The following LDLRAD3 variants were observed in gnomAD, a reference collection of about 807,000 sequenced individuals.
The protein encoded by LDLRAD3 is low-density lipoprotein receptor class A domain-containing protein 3.
In LDLRAD3, 20 loss-of-function variants were observed where a neutral mutation model predicts 29.4. The ratio of observed to expected loss-of-function variants is 0.68; its 90% CI spans 0.48 to 0.99. The LOEUF (loss-of-function observed/expected upper bound fraction) is 0.99. LDLRAD3 is among the 50% of genes least tolerant of loss of function. The probability of loss-of-function intolerance (pLI) is 0.00; values close to 1 mark genes in which losing one functional copy is unlikely to be tolerated. For synonymous variants in LDLRAD3, 157 were observed against 192.7 expected (o/e 0.81, Z 1.53); for missense variants, 420 against 454.3 (o/e 0.92, Z 0.69).
At chr11:36,001,412 AGG>A (rs1851823470) in intron 1 of LDLRAD3, among the ~76,000 whole-genome samples, 1 of 152,214 alleles carries the variant, frequency 6.6e-6, no homozygotes, top group African/African-American at 2.4e-5. Flanking sequence ...AGTACAAACT[AGG>A]ATGACACTTA....
intron 4 of LDLRAD3, among the ~76,000 whole-genome samples, chr11:36,173,691 G>A (rs934192310): frequency 3.3e-5 from 5 of 151,846 alleles, no homozygotes; most frequent in Non-Finnish European, 7.4e-5. Flanking sequence ...TAATCCTTTG[G>A]GTATATACCC....
At chr11:35,970,058 A>G (rs945835547) in intron 1 of LDLRAD3, among the ~76,000 whole-genome samples, 3 of 152,128 alleles carry the variant, frequency 2.0e-5, no homozygotes, top group Non-Finnish European at 2.9e-5. Flanking sequence ...TGGAAGAGGA[A>G]AACTGTTCTG....
chr11:35,998,231 T>A (rs1375897408), intron 1 of LDLRAD3, among the ~76,000 whole-genome samples: 1 of 152,238 alleles, frequency 6.6e-6, no homozygotes, highest in Non-Finnish European at 1.5e-5. Flanking sequence ...AGTCATATGC[T>A]TTCAATATGT....
chr11:35,998,909 G>A (rs1025887934), intron 1 of LDLRAD3, among the ~76,000 whole-genome samples: 1 of 152,188 alleles, frequency 6.6e-6, no homozygotes, highest in Admixed American at 6.5e-5. Context: ...ATTGGTATGA[G>A]TCCTGGGAGA....
At chr11:36,058,964 C>T (rs1852660711) in intron 2 of LDLRAD3, among the ~76,000 whole-genome samples, 1 of 152,204 alleles carries the variant, frequency 6.6e-6, no homozygotes, top group South Asian at 2.1e-4. Flanking sequence ...TAGTGTAAGG[C>T]ACTGTTGTCA....
chr11:36,116,388 T>C (rs1853674592), intron 4 of LDLRAD3, among the ~76,000 whole-genome samples: 1 of 152,176 alleles, frequency 6.6e-6, no homozygotes, highest in Non-Finnish European at 1.5e-5. Flanking sequence ...ACCAGTGGAA[T>C]GTTCACATAT....
intron 1 of LDLRAD3, among the ~76,000 whole-genome samples, chr11:35,982,848 C>CTT (rs61605411): frequency 9.6e-3 from 851 of 88,674 alleles, no homozygotes; most frequent in Non-Finnish European, 0.013. Context: ...CTGTTTGCTG[C>CTT]TTTTTTTTTT....
intron 1 of LDLRAD3, among the ~76,000 whole-genome samples, chr11:36,017,574 G>T (rs1267141697): frequency 6.8e-6 from 1 of 147,698 alleles, no homozygotes; most frequent in African/African-American, 2.5e-5. Flanking sequence ...TGTTCTCCAG[G>T]CTGGAGTGCA....
In LDLRAD3 at chr11:36,098,460, A is replaced by T. The variant is rs762510042; in HGVS notation, c.453A>T (p.Gln151His). The change falls in exon 4 of 6, where the codon CAA becomes CAT. Residue 151 changes from glutamine to histidine, a missense_variant and splice_region_variant. By Grantham distance (24) the Gln-to-His change is conservative. This residue lies in a region of LDLRAD3 where 224 missense variants were observed against 222.2 expected (regional missense o/e 1.01). Coordinates refer to ENST00000315571, the MANE Select transcript of LDLRAD3 (RefSeq NM_174902.4). ...NSDEESCESSQEPGSGQVFVT... is the reference protein window; with the variant it reads ...NSDEESCESSHEPGSGQVFVT... Reference sequence around the variant, plus strand: ...ATGAGGAAAGCTGTGAAAGTTCTCAAGGTAGGAACCTCTCAAGCTCTAAAA... The same window carrying T: ...ATGAGGAAAGCTGTGAAAGTTCTCATGGTAGGAACCTCTCAAGCTCTAAAA... 5.0e-6 allele frequency: 8 copies of T among 1,614,234 alleles called. No homozygotes were observed. Among genetic ancestry groups the T allele is most frequent in the Non-Finnish European group, 5.9e-6 (7 of 1,180,038 alleles).
intron 1 of LDLRAD3, among the ~76,000 whole-genome samples, chr11:36,023,747 A>G (rs545636491): frequency 6.6e-6 from 1 of 152,302 alleles, no homozygotes; most frequent in African/African-American, 2.4e-5. Flanking sequence ...TACTTTATGC[A>G]TGGGGAAACT....
intron 4 of LDLRAD3, among the ~76,000 whole-genome samples, chr11:36,125,636 G>A (rs1242058384): frequency 1.3e-5 from 2 of 152,128 alleles, no homozygotes; most frequent in African/African-American, 4.8e-5. Flanking sequence ...GAGATGACAC[G>A]GTGATCAAAG....
chr11:36,212,683 C>A (rs1855299082), intron 4 of LDLRAD3, among the ~76,000 whole-genome samples: 2 of 152,198 alleles, frequency 1.3e-5, no homozygotes, highest in Non-Finnish European at 1.5e-5. Flanking sequence ...TGGCTTATCA[C>A]TGGGCCCTTC....
chr11:36,112,654 C>A (rs914179767), intron 4 of LDLRAD3, among the ~76,000 whole-genome samples: 7 of 152,214 alleles, frequency 4.6e-5, no homozygotes, highest in Non-Finnish European at 7.3e-5. Context: ...CAAAGACACT[C>A]AGGGCTGAAT....
intron 1 of LDLRAD3, among the ~76,000 whole-genome samples, chr11:35,995,150 A>C (rs1259409775): frequency 6.6e-6 from 1 of 152,252 alleles, no homozygotes; most frequent in Non-Finnish European, 1.5e-5. Flanking sequence ...CATATCCATC[A>C]AAGGAATCAG....
chr11:36,213,691 G>A lies in LDLRAD3; in HGVS notation c.455-13394G>A, dbSNP rs111637431. Among the ~76,000 whole-genome samples, 8 of 152,298 alleles carry A rather than the reference G, an allele frequency of 5.3e-5. No homozygotes were observed. Among genetic ancestry groups the A allele is most frequent in the African/African-American group, 1.4e-4 (6 of 41,578 alleles). The stretch of plus-strand genomic sequence containing the variant: ...GCCATTGGGGTCAGGCCTGCTCCCC[G>A]CACCTGAGCACAGGGCCCAGCCAGG... On this transcript the variant is annotated intron_variant, in intron 4 of 5. Transcript: ENST00000315571. The surrounding 1 kb of genome is among the most constrained non-coding windows in gnomAD (Gnocchi z 4.1).
chr11:36,227,526 G>A (rs991200874), intron 5 of LDLRAD3, 96 bp downstream of exon 5: 4 of 969,074 alleles, frequency 4.1e-6, no homozygotes, highest in African/African-American at 1.7e-5. Context: ...CTTGCCAAGA[G>A]CCTGGCTTCA....
At chr11:36,028,004 C>A (rs1330700938) in intron 1 of LDLRAD3, among the ~76,000 whole-genome samples, 1 of 152,174 alleles carries the variant, frequency 6.6e-6, no homozygotes, top group Non-Finnish European at 1.5e-5. Context: ...CAGGTCTGAC[C>A]GGCAGCCAGC....
chr11:36,074,513 A>T (rs1377601416), intron 2 of LDLRAD3, among the ~76,000 whole-genome samples: 1 of 152,148 alleles, frequency 6.6e-6, no homozygotes, highest in African/African-American at 2.4e-5. Flanking sequence ...GGAACAAGGA[A>T]GCCTGTGTAG....
At chr11:36,065,033 A>T (rs1366701605) in intron 2 of LDLRAD3, among the ~76,000 whole-genome samples, 1 of 152,164 alleles carries the variant, frequency 6.6e-6, no homozygotes. Flanking sequence ...TATTAGGTCC[A>T]CTTTGTGGTG....
Sources: allele counts gnomAD v4.1 joint callset (sites outside exome capture counted in the v4.1 genomes callset), GRCh38; gene constraint gnomAD v4.1.1; regional missense constraint gnomAD v4.1.1; non-coding constraint Gnocchi (gnomAD v3.1); transcripts MANE v1.5; gene names NCBI Gene and HGNC (gene_info 2026-07-23, HGNC 2026-07-21).